Variants in IQGAP2 observed in about 807,000 individuals in gnomAD.
The protein encoded by IQGAP2 is IQ motif containing GTPase activating protein 2.
Under a neutral mutation model 201.3 loss-of-function variants are expected in IQGAP2, and 173 were observed. The ratio of observed to expected loss-of-function variants is 0.86; its 90% confidence interval spans 0.76 to 0.98. The LOEUF (loss-of-function observed/expected upper bound fraction) is 0.98. Among genes scored for constraint, IQGAP2 ranks in the 50% least tolerant of loss-of-function variants. The pLI is 0.00. For synonymous variants in IQGAP2, 675 were observed against 673.9 expected (o/e 1.00, Z -0.03); for missense variants, 1,687 against 1,864.8 (o/e 0.90, Z 1.76).
intron 21 of IQGAP2, among the ~76,000 whole-genome samples, chr5:76,660,774 G>C (rs1743180935): frequency 6.6e-6 from 1 of 152,150 alleles, no homozygotes; most frequent in Non-Finnish European, 1.5e-5. Context: ...TGTTAGCCTT[G>C]TCATTGACAG....
intron 27 of IQGAP2, 151 bp from the exon 28 acceptor site, chr5:76,677,067 G>A: frequency 1.5e-6 from 1 of 679,470 alleles, no homozygotes; most frequent in South Asian, 2.1e-5. Context: ...CGACAGCCAG[G>A]AGCCAGCCTG....
intron 2 of IQGAP2, among the ~76,000 whole-genome samples, chr5:76,502,057 T>C (rs1308304766): frequency 6.6e-6 from 1 of 152,172 alleles, no homozygotes; most frequent in Non-Finnish European, 1.5e-5. Context: ...CCCTGTAAAG[T>C]CTAGAAGAAT....
intron 1 of IQGAP2, among the ~76,000 whole-genome samples, chr5:76,417,511 C>G (rs1751477880): frequency 6.6e-6 from 1 of 152,086 alleles, no homozygotes; most frequent in African/African-American, 2.4e-5. Flanking sequence ...TCTCGAACTC[C>G]TTACCTCAAG....
At chr5:76,633,382 C>T (rs148748560) in intron 15 of IQGAP2, among the ~76,000 whole-genome samples, 5 of 152,290 alleles carry the variant, frequency 3.3e-5, no homozygotes, top group African/African-American at 1.2e-4. Flanking sequence ...ACTCTTTCAA[C>T]AATTTTTTGT....
At chr5:76,667,235 G>A (rs1187553452) in intron 22 of IQGAP2, among the ~76,000 whole-genome samples, 1 of 152,060 alleles carries the variant, frequency 6.6e-6, no homozygotes, top group African/African-American at 2.4e-5. Flanking sequence ...TTGAAAAACA[G>A]TCACTACAGA....
At chr5:76,533,830 G>A (rs1357722066) in intron 2 of IQGAP2, among the ~76,000 whole-genome samples, 4 of 152,126 alleles carry the variant, frequency 2.6e-5, no homozygotes, top group East Asian at 3.9e-4. Context: ...GAGCCACCGC[G>A]CCTGGCTTGC....
chr5:76,429,877 AC>A (rs1752267227), intron 1 of IQGAP2, among the ~76,000 whole-genome samples: 2 of 151,370 alleles, frequency 1.3e-5, no homozygotes, highest in Admixed American at 6.6e-5. Context: ...ACACACACAC[AC>A]ACACACACAC....
rs370693931 is a variant in IQGAP2 at position 76,637,184 on chromosome 5, G to T, written c.1923+8G>T. The T allele has an allele frequency of 2.5e-4, 393 of 1,596,218 alleles. 1 individual carries two copies. The highest frequency in any genetic ancestry group is 5.0e-4 in the Middle Eastern group (3 of 5,972). On this transcript the variant is annotated splice_region_variant and intron_variant, in intron 16 of 35. Transcript: ENST00000274364. ...ACAGGAAAAGAAATCGAGGTAGGAG[G>T]TTGGTGTTTGATGGATAACTCTACT...
chr5:76,595,416 A>G (rs557813666), intron 9 of IQGAP2, among the ~76,000 whole-genome samples: 1 of 142,776 alleles, frequency 7.0e-6, no homozygotes, highest in African/African-American at 2.7e-5. Flanking sequence ...GCAGAGTGTA[A>G]AAGAGTGGTT....
In IQGAP2 at chr5:76,420,444, C is replaced by T. The variant is rs550106863; in HGVS notation, c.46+16853C>T. ...AGGCTGGAGTGCACTGGCATGATCT[C>T]GGCTCACTGCAATCTCCGCCTCCCG... is the stretch of plus-strand genomic sequence containing the variant. On this transcript the variant is annotated intron_variant, in intron 1 of 35. Coordinates refer to ENST00000274364, the MANE Select transcript of IQGAP2 (RefSeq NM_006633.5). 2.7e-5 allele frequency among the ~76,000 whole-genome samples: 4 copies of T among 149,436 alleles called. No homozygotes were observed. In the East Asian group the frequency reaches 5.9e-4, roughly 22 times the overall value.
intron 10 of IQGAP2, among the ~76,000 whole-genome samples, chr5:76,600,329 A>T (rs987214298): frequency 5.9e-5 from 9 of 152,244 alleles, no homozygotes; most frequent in Non-Finnish European, 1.2e-4. Flanking sequence ...GAATTAAATC[A>T]GTAGTCTTGG....
At chr5:76,597,312 C>A (rs567460528) in intron 9 of IQGAP2, 127 bp from the exon 10 acceptor site, 2 of 858,374 alleles carry the variant, frequency 2.3e-6, no homozygotes, top group Non-Finnish European at 3.7e-6. Flanking sequence ...CTACCCTCTG[C>A]CTGCAGCTTT....
At chr5:76,628,688 G>A (rs1458250100) in intron 14 of IQGAP2, 2 of 456,078 alleles carry the variant, frequency 4.4e-6, no homozygotes. Context: ...TCCACAGATG[G>A]GCTTTTCAAC....
chr5:76,673,375 A>G lies in IQGAP2; in HGVS notation c.3069-74A>G, dbSNP rs144181454. 612 of 1,521,224 alleles carry G rather than the reference A, an allele frequency of 4.0e-4. 9 individuals are homozygous for G. In the East Asian group the frequency reaches 0.012, roughly 30 times the overall value. The allele number at this position is 1,521,224 out of a possible 1,614,324, so 94.2% of individuals were successfully genotyped here. A position where few individuals can be genotyped will look rare whatever the true frequency, so the allele number is the denominator to read the frequency against. On this transcript the variant is annotated intron_variant, in intron 24 of 35. Transcript: ENST00000274364. ...CCAATTCACTATACAAAGCTTGACT[A>G]TAGAACCAACTTGGCAGCAAAATTA...
At chr5:76,668,025 G>A (rs990657670) in intron 22 of IQGAP2, among the ~76,000 whole-genome samples, 5 of 151,592 alleles carry the variant, frequency 3.3e-5, no homozygotes, top group East Asian at 1.9e-4. Flanking sequence ...GACTGCATGC[G>A]CACACCACCA....
chr5:76,657,992 C>G (rs1415670048), intron 20 of IQGAP2, among the ~76,000 whole-genome samples: 1 of 152,160 alleles, frequency 6.6e-6, no homozygotes, highest in African/African-American at 2.4e-5. Context: ...TCAGCTTTCA[C>G]CTACTTCCGG....
chr5:76,687,644 G>A (rs553139870), intron 30 of IQGAP2, among the ~76,000 whole-genome samples: 8 of 152,118 alleles, frequency 5.3e-5, no homozygotes, highest in Admixed American at 1.3e-4. Context: ...TCCACCTCCT[G>A]TCAGATCAGT....
At chr5:76,496,722 T>G (rs1160515129) in intron 2 of IQGAP2, among the ~76,000 whole-genome samples, 1 of 17,200 alleles carries the variant, frequency 5.8e-5, no homozygotes, top group Non-Finnish European at 1.1e-4. Context: ...CTTTCTTTCT[T>G]TCTTTTCTTT....
At chr5:76,426,905 G>GGTAT (rs1752035704) in intron 1 of IQGAP2, among the ~76,000 whole-genome samples, 3 of 146,586 alleles carry the variant, frequency 2.0e-5, no homozygotes, top group African/African-American at 7.6e-5. Context: ...AACCATGGAG[G>GGTAT]GTGTGTGTGT....
Sources: gnomAD v4.1 joint callset for allele counts (sites outside exome capture counted in the v4.1 genomes callset) on GRCh38, gnomAD v4.1.1 for gene constraint, MANE v1.5 for transcripts, NCBI Gene and HGNC (gene_info 2026-07-23, HGNC 2026-07-21) for gene names.